ELP5: variants seen among roughly 807,000 people sequenced by gnomAD.
ELP5 encodes elongator acetyltransferase complex subunit 5.
A neutral mutation model predicts 33.4 loss-of-function variants in ELP5; 34 were observed. The observed-to-expected ratio is 1.02, with a 90% CI of 0.78 to 1.36. The LOEUF is 1.36. Among genes scored for constraint, ELP5 ranks in the 40% most tolerant of loss-of-function variants. ELP5 has a pLI of 0.00. For missense variants in ELP5, 373 were observed against 371.7 expected (o/e 1.00, Z -0.03); for synonymous variants, 161 against 146.4 (o/e 1.10, Z -0.72).
intron 5 of ELP5, 24 bp downstream of exon 5, chr17:7,257,062 A>G (rs1015361840): frequency 3.3e-6 from 5 of 1,527,592 alleles, no homozygotes; most frequent in Non-Finnish European, 4.4e-6. Flanking sequence ...ACAGAGAAGG[A>G]CTGGAAACGG....
chr17:7,253,519 A>G (rs148693585), intron 3 of ELP5, among the ~76,000 whole-genome samples: 288 of 152,334 alleles, frequency 1.9e-3, no homozygotes, highest in Non-Finnish European at 3.2e-3. Flanking sequence ...AAGTATTGAG[A>G]TAAGGAAGTT....
intron 3 of ELP5, among the ~76,000 whole-genome samples, chr17:7,254,284 A>G (rs1321065799): frequency 2.0e-5 from 3 of 152,240 alleles, no homozygotes; most frequent in African/African-American, 7.2e-5. Context: ...CTATGTGTCA[A>G]GCACTGTGCT....
At chr17:7,254,971 A>G in intron 4 of ELP5, 168 bp downstream of exon 4, 1 of 577,110 alleles carries the variant, frequency 1.7e-6, no homozygotes, top group Non-Finnish European at 3.0e-6. Flanking sequence ...CCTTAATGCC[A>G]TCTACCATTT....
In ELP5 at chr17:7,259,589, G is replaced by A. The variant is rs758587929; in HGVS notation, c.807G>A (p.Arg269=). The stretch of plus-strand genomic sequence containing the variant: ...TTCTCAGACAGCAGGCTCTCCTGCG[G>A]CCTAGGCCAGGGCAGGCTACCAGCC... ...FSSEKQQALL[R]PRPGQATSHI... The change falls in exon 8 of 8, where the codon CGG becomes CGA. Residue 269 remains arginine (R), a synonymous_variant. Coordinates refer to ENST00000396628, the MANE Select transcript of ELP5 (RefSeq NM_203414.3). 1.9e-6 allele frequency: 3 copies of A among 1,614,132 alleles called. No individual in the cohort carries two copies. The African/African-American group carries it at 4.0e-5, about 22-fold the overall frequency.
chr17:7,252,630 G>T, intron 1 of ELP5, 34 bp downstream of exon 1: 3 of 1,605,664 alleles, frequency 1.9e-6, no homozygotes, highest in Non-Finnish European at 2.6e-6. Flanking sequence ...GGGGCGGGGG[G>T]TGCGGTTCGG....
At chr17:7,255,799 T>C (rs1408608228) in intron 4 of ELP5, among the ~76,000 whole-genome samples, 2 of 152,176 alleles carry the variant, frequency 1.3e-5, no homozygotes, top group East Asian at 1.9e-4. Context: ...CAGTGGCTCA[T>C]GCCTGTAATC....
chr17:7,256,756 G>A, intron 4 of ELP5, 101 bp from the exon 5 acceptor site: 1 of 1,248,148 alleles, frequency 8.0e-7, no homozygotes, highest in Non-Finnish European at 1.1e-6. Context: ...GATTTTGGCA[G>A]CACTGTGATG....
chr17:7,255,234 G>A (rs2072050869), intron 4 of ELP5, among the ~76,000 whole-genome samples: 1 of 151,718 alleles, frequency 6.6e-6, no homozygotes, highest in South Asian at 2.1e-4. Flanking sequence ...CCTTAAAGAA[G>A]GGCACTCTTG....
chr17:7,254,928 CTTTT>C (rs1394378975), intron 4 of ELP5, 125 bp downstream of exon 4: 3 of 687,402 alleles, frequency 4.4e-6, no homozygotes, highest in Non-Finnish European at 6.7e-6. Context: ...ATTTTTTTGA[CTTTT>C]TTGTCTGTTT....
intron 7 of ELP5, 172 bp downstream of exon 7, chr17:7,259,098 C>CTT: frequency 6.9e-7 from 1 of 1,450,440 alleles, no homozygotes; most frequent in Non-Finnish European, 9.0e-7. Context: ...GGCAGAGGAC[C>CTT]TTTATGTCTC....
In ELP5 at chr17:7,259,606, C is replaced by T. The variant is rs1163629272; in HGVS notation, c.824C>T (p.Ala275Val). The part of the protein sequence containing the change: ...QALLRPRPGQ[A>V]TSHIFYEPDA... ...CTCCTGCGGCCTAGGCCAGGGCAGG[C>T]TACCAGCCACATCTTCTATGAGCCA... The change falls in exon 8 of 8, where the codon GCT (alanine) becomes GTT (valine). Residue 275 changes from alanine to valine, a missense_variant. Ala to Val is a moderately conservative substitution (Grantham distance 64). Transcript: ENST00000396628. The T allele has an allele frequency of 1.4e-5, 22 of 1,614,142 alleles. No individual in the cohort carries two copies. Among genetic ancestry groups the T allele is most frequent in the Non-Finnish European group, 1.9e-5 (22 of 1,180,052 alleles).
Position 7,259,782 on chromosome 17 carries a change from C to G in ELP5, c.*97C>G. 6.6e-7 allele frequency: 1 copy of G among 1,524,266 alleles called. No homozygotes were observed. The highest frequency in any genetic ancestry group is 8.8e-7 in the Non-Finnish European group (1 of 1,135,968). The allele number at this position is 1,524,266 out of a possible 1,614,324, so 94.4% of individuals were successfully genotyped here. On this transcript the variant is annotated 3_prime_UTR_variant, in exon 8 of 8. Transcript: ENST00000396628. The stretch of plus-strand genomic sequence containing the variant: ...TGTTTGTGTTAGCCTTACCCTGTCC[C>G]TGCCCCACCTTGGTTCCCCTTGTCT...
chr17:7,252,122 G>C (rs981169240), upstream of ELP5: 1 of 340,716 alleles, frequency 2.9e-6, no homozygotes, highest in Admixed American at 4.7e-5. Context: ...AAGCGAGGCT[G>C]CAGTATTGCG....
At position 7,252,550 on chromosome 17, in the gene ELP5, G is replaced by T. The variant is rs139402582; in HGVS notation, c.-1G>T. ...GAGCAGGGACCGGACGCGAGTTGGAGATGTTGGACTCGCTGTTGGCCTTGG... is the reference window on the plus strand; with the variant it reads ...GAGCAGGGACCGGACGCGAGTTGGATATGTTGGACTCGCTGTTGGCCTTGG... On this transcript the variant is annotated 5_prime_UTR_variant, in exon 1 of 8. Coordinates refer to ENST00000396628, the MANE Select transcript of ELP5 (RefSeq NM_203414.3). The T allele has an allele frequency of 7.9e-5, 128 of 1,613,780 alleles. 1 individual carries two copies. The African/African-American group carries it at 1.5e-3, about 18-fold the overall frequency.
intron 4 of ELP5, among the ~76,000 whole-genome samples, chr17:7,255,583 C>A (rs190456331): frequency 6.6e-6 from 1 of 151,690 alleles, no homozygotes; most frequent in Admixed American, 6.6e-5. Flanking sequence ...CAAATTTGGC[C>A]GGGCAGGGGC....
intron 4 of ELP5, among the ~76,000 whole-genome samples, chr17:7,256,483 G>T (rs1041795300): frequency 2.0e-5 from 3 of 152,184 alleles, no homozygotes; most frequent in African/African-American, 4.8e-5. Flanking sequence ...CTCCCAAAAA[G>T]GGAGGCAGAG....
At chr17:7,253,022 T>G (rs774387726) in intron 3 of ELP5, 24 bp downstream of exon 3, 19 of 1,611,182 alleles carry the variant, frequency 1.2e-5, no homozygotes, top group Middle Eastern at 1.6e-4. Context: ...GGAAGAGATT[T>G]GATTAAATTT....
At chr17:7,252,621 G>A (rs1184896645) in intron 1 of ELP5, 25 bp downstream of exon 1, 5 of 1,608,188 alleles carry the variant, frequency 3.1e-6, no homozygotes, top group Non-Finnish European at 4.2e-6. Context: ...CACGGTGGCG[G>A]GGCGGGGGGT....
rs1305059960 is a variant in ELP5 at position 7,254,471 on chromosome 17, T to C, written c.189-112T>C. 6.8e-6 allele frequency: 5 copies of C among 733,724 alleles called. No individual in the cohort carries two copies. The African/African-American group carries it at 8.9e-5, about 13-fold the overall frequency. The allele number at this position is 733,724 out of a possible 1,614,324, so 45.5% of individuals were successfully genotyped here. On this transcript the variant is annotated intron_variant, in intron 3 of 7. Coordinates refer to ENST00000396628, the MANE Select transcript of ELP5 (RefSeq NM_203414.3). ...TCTCAGTAATTATCTTTCACTAATA[T>C]TTAGGATATTCATAAAAATTGAGAA...
Sources: gnomAD v4.1 joint callset for allele counts (sites outside exome capture counted in the v4.1 genomes callset) on GRCh38, gnomAD v4.1.1 for gene constraint, MANE v1.5 for transcripts, NCBI Gene and HGNC (gene_info 2026-07-23, HGNC 2026-07-21) for gene names.